The following CEP170B variants were observed in gnomAD, a reference collection of about 807,000 sequenced individuals.
The protein encoded by CEP170B is centrosomal protein of 170 kDa protein B.
CEP170B carries 55 observed loss-of-function variants against 120.6 expected under a neutral mutation model. The observed-to-expected ratio is 0.46, with a 90% CI of 0.37 to 0.57. The LOEUF (loss-of-function observed/expected upper bound fraction) is 0.57, where lower values mean the gene tolerates loss of function less well. Ranked by LOEUF, CEP170B falls within the 20% of genes least tolerant of loss-of-function variation. CEP170B has a pLI of 0.00. For synonymous variants in CEP170B, 1,033 were observed against 954.5 expected, an observed-to-expected ratio of 1.08 and a Z score of -1.52; for missense variants, 2,212 against 2,253.3, an observed-to-expected ratio of 0.98 and a Z score of 0.37.
In CEP170B at chr14:104,886,897, C is replaced by T. The variant is rs1380874870; in HGVS notation, c.2658C>T (p.Ile886=). ...CAGCGCCCGGCAAGCCCCCCCACAT[C>T]TCCAGCCACCCGCTTCTACAGGACC... ...GPPAPGKPPH[I]SSHPLLQDLA... The change falls in exon 12 of 19, where the codon ATC becomes ATT. Residue 886 remains isoleucine, a synonymous_variant. Coordinates refer to ENST00000414716, the MANE Select transcript of CEP170B (RefSeq NM_001112726.3). The T allele has an allele frequency of 5.0e-6, 8 of 1,610,430 alleles. No individual in the cohort carries two copies. The highest frequency in any genetic ancestry group is 6.8e-6 in the Non-Finnish European group (8 of 1,179,802).
intron 17 of CEP170B, 52 bp from the exon 18 acceptor site, chr14:104,894,485 G>A: frequency 6.2e-7 from 1 of 1,603,962 alleles, no homozygotes; most frequent in Non-Finnish European, 8.5e-7. Context: ...CCCGGGGCAG[G>A]GCTGCAGCCC....
At position 104,889,617 on chromosome 14, in the gene CEP170B, C is replaced by G. The variant is rs777041787; in HGVS notation, c.3740-3C>G. ...AAACACACACGCTCCCACACCTCAACAGCCACTCAGACCCCGAGGGCTGGC... is the reference window on the plus strand; with the variant it reads ...AAACACACACGCTCCCACACCTCAAGAGCCACTCAGACCCCGAGGGCTGGC... On this transcript the variant is annotated splice_polypyrimidine_tract_variant and splice_region_variant and intron_variant, in intron 12 of 18. Transcript: ENST00000414716. 1 of 1,610,758 alleles carries G rather than the reference C, an allele frequency of 6.2e-7. No individual in the cohort carries two copies. The highest frequency in any genetic ancestry group is 1.3e-5 in the African/African-American group (1 of 75,042).
rs1896518204 is a variant in CEP170B, at chr14:104,886,536, A to G, written c.2297A>G (p.Gln766Arg). 2 of 1,509,530 alleles carry G rather than the reference A, an allele frequency of 1.3e-6. No homozygotes were observed. The highest frequency in any genetic ancestry group is 2.8e-5 in the African/African-American group (2 of 71,950). The allele number at this position is 1,509,530 out of a possible 1,614,324, so 93.5% of individuals were successfully genotyped here. A position where few individuals can be genotyped will look rare whatever the true frequency, so the allele number is the denominator to read the frequency against. ...GGCCCCGAGCCAGGGGTGGAGCCACAGGACAGCAGACGCAGGAGCCCCCAG... is the reference window on the plus strand; with the variant it reads ...GGCCCCGAGCCAGGGGTGGAGCCACGGGACAGCAGACGCAGGAGCCCCCAG... ...GRGPEPGVEPQDSRRRSPQEG... is the reference protein window; with the variant it reads ...GRGPEPGVEPRDSRRRSPQEG... The change falls in exon 12 of 19, where the codon CAG (glutamine) becomes CGG (arginine). Residue 766 changes from glutamine (Q) to arginine (R), a missense_variant. Gln to Arg is a conservative substitution (Grantham distance 43). Transcript: ENST00000414716.
intron 16 of CEP170B, 88 bp downstream of exon 16, chr14:104,893,937 C>A: frequency 7.9e-7 from 1 of 1,263,492 alleles, no homozygotes; most frequent in Non-Finnish European, 1.1e-6. Context: ...CCCTCAAGGG[C>A]AGCGGTTTCA....
intron 6 of CEP170B, among the ~76,000 whole-genome samples, chr14:104,881,257 G>A (rs886095108): frequency 1.3e-5 from 2 of 152,102 alleles, no homozygotes. Context: ...AGGAGCGAGA[G>A]TGAGAAAGTG....
chr14:104,883,712 C>G lies in CEP170B; in HGVS notation c.1052-119C>G, dbSNP rs559643766. 625 of 1,139,032 alleles carry G rather than the reference C, an allele frequency of 5.5e-4. 1 individual carries two copies. The African/African-American group carries it at 9.0e-3, about 16-fold the overall frequency. The allele number at this position is 1,139,032 out of a possible 1,614,324, so 70.6% of individuals were successfully genotyped here. On this transcript the variant is annotated intron_variant, in intron 8 of 18. Transcript: ENST00000414716. ...CACTTCTTTGCCCTGTGTGGGGGGG[C>G]CCTGAGGGCTGGGGTGCTTTGTCAA...
chr14:104,873,245 C>T (rs1436287500), intron 2 of CEP170B, among the ~76,000 whole-genome samples: 1 of 128,936 alleles, frequency 7.8e-6, no homozygotes, highest in East Asian at 2.7e-4. Context: ...TAACAGGGTC[C>T]TGCGGGGGGA....
At chr14:104,885,089 G>C (rs960830744) in intron 9 of CEP170B, among the ~76,000 whole-genome samples, 1 of 151,888 alleles carries the variant, frequency 6.6e-6, no homozygotes, top group Non-Finnish European at 1.5e-5. Context: ...GTGGGCGGAC[G>C]TTGTCCTGCT....
rs1333234873 is a variant in CEP170B, at chr14:104,880,180, C to T, written c.334-107C>T. On this transcript the variant is annotated intron_variant, in intron 5 of 18. Transcript: ENST00000414716. ...AGCATTAGGGAGAGCTTGTGACATG[C>T]AAAGTCATAGCTGGGCCCTCTGGAT... is the stretch of plus-strand genomic sequence containing the variant. 2.1e-6 allele frequency: 3 copies of T among 1,444,174 alleles called. No homozygotes were observed. The East Asian group carries it at 7.5e-5, about 36-fold the overall frequency. The allele number at this position is 1,444,174 out of a possible 1,614,324, so 89.5% of individuals were successfully genotyped here. A position where few individuals can be genotyped will look rare whatever the true frequency, so the allele number is the denominator to read the frequency against.
rs771114146 is a variant in CEP170B, at chr14:104,894,707, C to T, written c.4418-4C>T. 32 of 1,576,096 alleles carry T rather than the reference C, an allele frequency of 2.0e-5. No individual in the cohort carries two copies. The Admixed American group carries it at 2.1e-4, about 10-fold the overall frequency. The stretch of plus-strand genomic sequence containing the variant: ...GCAGCCTGACCCTCCCTCCCCACCT[C>T]CAGTTATCAATGCCATCGTGGACCC... On this transcript the variant is annotated splice_region_variant and splice_polypyrimidine_tract_variant and intron_variant, in intron 18 of 18. Coordinates refer to ENST00000414716, the MANE Select transcript of CEP170B (RefSeq NM_001112726.3).
chr14:104,894,153 TCA>T, intron 16 of CEP170B, 130 bp from the exon 17 acceptor site: 1 of 741,714 alleles, frequency 1.3e-6, no homozygotes, highest in Non-Finnish European at 2.3e-6. Flanking sequence ...GCATCAGGCC[TCA>T]GTTTCCCCCT....
intron 10 of CEP170B, 83 bp downstream of exon 10, chr14:104,885,625 C>T (rs939487092): frequency 6.7e-7 from 1 of 1,482,664 alleles, no homozygotes; most frequent in Non-Finnish European, 8.9e-7. Flanking sequence ...CAGCGGGCCC[C>T]CCATGGGGCG....
rs1896582955 is a variant in CEP170B at position 104,887,402 on chromosome 14, C to G, written c.3163C>G (p.Leu1055Val). The G allele has an allele frequency of 1.2e-6, 2 of 1,612,034 alleles. No individual in the cohort carries two copies. The highest frequency in any genetic ancestry group is 2.7e-5 in the African/African-American group (2 of 74,952). Residue 1055 changes from leucine to valine, a missense_variant, in exon 12 of 19, where the codon CTA (leucine) becomes GTA (valine). Coordinates refer to ENST00000414716, the MANE Select transcript of CEP170B (RefSeq NM_001112726.3). ...GGAGCGTGGCCCTGTCCTCGCCCAC[C>G]TACCCAGCTCAGATGTGATGGCCTC... ...SEERGPVLAH[L>V]PSSDVMASNH...
Position 104,885,517 on chromosome 14 carries a change from G to T in CEP170B, c.1919G>T (p.Gly640Val). 6.4e-7 allele frequency: 1 copy of T among 1,566,536 alleles called. No individual in the cohort carries two copies. Among genetic ancestry groups the T allele is most frequent in the Non-Finnish European group, 8.6e-7 (1 of 1,158,914 alleles). Residue 640 changes from glycine (G) to valine (V), a missense_variant, in exon 10 of 19, where the codon GGT becomes GTT. Physicochemically the swap from Gly to Val is moderately radical, Grantham distance 109. Around this residue, in one of 2 missense-constraint regions of CEP170B, gnomAD observed 2,166 missense variants for 2,166.7 expected, o/e 1.00. Transcript: ENST00000414716. Reference protein sequence around the residue: ...LLQEFASRPLGAAPQAEHQGL... With the variant: ...LLQEFASRPLVAAPQAEHQGL... ...CAGGAGTTTGCCTCCCGGCCACTGG[G>T]TGCGGCCCCCCAGGCGGAGCACCAG... is the stretch of plus-strand genomic sequence containing the variant.
rs781503633 is a variant in CEP170B, at chr14:104,883,236, C to T, written c.779C>T (p.Ala260Val). The T allele has an allele frequency of 1.2e-6, 2 of 1,611,190 alleles. No homozygotes were observed. The highest frequency in any genetic ancestry group is 1.1e-5 in the South Asian group (1 of 90,954). Residue 260 changes from alanine to valine, a missense_variant, in exon 8 of 19, where the codon GCC becomes GTC. Physicochemically the swap from Ala to Val is moderately conservative, Grantham distance 64 (BLOSUM62 0). This residue lies in a region of CEP170B where 2,166 missense variants were observed against 2,166.7 expected (regional missense o/e 1.00). Coordinates refer to ENST00000414716, the MANE Select transcript of CEP170B (RefSeq NM_001112726.3). ...KDAEAGGGGAAPVVQSHASFT... is the reference protein window; with the variant it reads ...KDAEAGGGGAVPVVQSHASFT... ...GCAGAGGCAGGTGGGGGCGGAGCGGCCCCTGTGGTGCAGAGCCACGCCTCC... is the reference window on the plus strand; with the variant it reads ...GCAGAGGCAGGTGGGGGCGGAGCGGTCCCTGTGGTGCAGAGCCACGCCTCC...
chr14:104,871,035 C>G (rs1566850907), intron 2 of CEP170B, among the ~76,000 whole-genome samples: 1 of 151,956 alleles, frequency 6.6e-6, no homozygotes, highest in East Asian at 1.9e-4. Context: ...CCCCTTGGCC[C>G]CTCTGTTGCC....
intron 12 of CEP170B, among the ~76,000 whole-genome samples, chr14:104,888,245 G>A (rs1046822109): frequency 6.6e-6 from 1 of 152,216 alleles, no homozygotes; most frequent in African/African-American, 2.4e-5. Flanking sequence ...CCCCCAGGGT[G>A]TGCCTCAGGG....
At position 104,891,873 on chromosome 14, in the gene CEP170B, T is replaced by C. The variant is rs1003893133; in HGVS notation, c.3879-1103T>C. ...GAGGGAGGGCTTCCATGTTTTGTCT[T>C]GATGTGGAATGGTGGACCCAGCTAG... On this transcript the variant is annotated intron_variant, in intron 13 of 18. Transcript: ENST00000414716. This position sits in a 1 kb window ranked among gnomAD's most constrained non-coding sequence, Gnocchi z 4.3. Among the ~76,000 whole-genome samples, 3 of 151,990 alleles carry C rather than the reference T, an allele frequency of 2.0e-5. No homozygotes were observed. Among genetic ancestry groups the C allele is most frequent in the African/African-American group, 7.3e-5 (3 of 41,332 alleles).
At chr14:104,864,981 G>C (rs1305909652), upstream of CEP170B, among the ~76,000 whole-genome samples, 1 of 151,694 alleles carries the variant, frequency 6.6e-6, no homozygotes, top group African/African-American at 2.4e-5. The surrounding 1 kb of genome is among the most constrained non-coding windows in gnomAD (Gnocchi z 5.9). Flanking sequence ...CTGCCGAGAC[G>C]GGAGGGCATG....
Sources: gnomAD v4.1 joint callset for allele counts (sites outside exome capture counted in the v4.1 genomes callset) on GRCh38, gnomAD v4.1.1 for gene constraint, gnomAD v4.1.1 regional missense constraint, Gnocchi (gnomAD v3.1) non-coding constraint, MANE v1.5 for transcripts, NCBI Gene and HGNC (gene_info 2026-07-23, HGNC 2026-07-21) for gene names.